NRG1: variants seen among roughly 807,000 people sequenced by gnomAD.
The protein encoded by NRG1 is pro-neuregulin-1, membrane-bound isoform.
NRG1 carries 18 observed loss-of-function variants against 63.8 expected under a neutral mutation model. The observed-to-expected ratio is 0.28, with a 90% CI of 0.19 to 0.42. NRG1 has a LOEUF of 0.42. Ranked by LOEUF, NRG1 falls within the 10% of genes least tolerant of loss-of-function variation. NRG1 has a pLI of 1.00. For synonymous variants in NRG1, 302 were observed against 301.3 expected (o/e 1.00, Z -0.02); for missense variants, 762 against 814.7 (o/e 0.94, Z 0.79).
intron 1 of NRG1, among the ~76,000 whole-genome samples, chr8:31,733,654 G>T (rs1814347020): frequency 6.6e-6 from 1 of 152,112 alleles, no homozygotes; most frequent in Non-Finnish European, 1.5e-5. Flanking sequence ...CCTGTGGAAG[G>T]GTTACCAGCC....
intron 1 of NRG1, among the ~76,000 whole-genome samples, chr8:32,278,879 C>G (rs1166774247): frequency 6.6e-6 from 1 of 152,238 alleles, no homozygotes; most frequent in Admixed American, 6.5e-5. Flanking sequence ...CGTCTATTGT[C>G]CTGCAACTCA....
At chr8:31,664,086 T>G (rs1366317298) in intron 1 of NRG1, among the ~76,000 whole-genome samples, 1 of 152,138 alleles carries the variant, frequency 6.6e-6, no homozygotes, top group Non-Finnish European at 1.5e-5. Flanking sequence ...TTTTCTATGT[T>G]GTGTTCATTG....
intron 1 of NRG1, among the ~76,000 whole-genome samples, chr8:32,101,199 A>T (rs1413432254): frequency 6.6e-6 from 1 of 152,186 alleles, no homozygotes; most frequent in Admixed American, 6.5e-5. Flanking sequence ...GTTTTTATTC[A>T]TCTGATTTAC....
At chr8:32,440,789 A>G (rs1222605007) in intron 1 of NRG1, 3 of 152,166 alleles carry the variant, frequency 2.0e-5, no homozygotes, top group African/African-American at 7.2e-5. Context: ...CATGTATGCC[A>G]TCTTTGTATT....
intron 1 of NRG1, among the ~76,000 whole-genome samples, chr8:31,928,352 T>TAAAAAAAAAAAAAAAAAAAA (rs77001238): frequency 5.0e-5 from 4 of 80,116 alleles, no homozygotes; most frequent in African/African-American, 2.0e-4. Context: ...ATGGATGTGG[T>TAAAAAAAAAAAAAAAAAAAA]AAAAAAAAAA....
rs113081002 is a variant in NRG1 at position 32,690,938 on chromosome 8, A to AGTGTGTGT, written c.503-36976_503-36969dup. ...TTGGAGATTTTATTGTTTCCCTCTC[A>AGTGTGTGT]GTGTGTGTGTGTGTGTGTGTGTGTG... On this transcript the variant is annotated intron_variant, in intron 5 of 11. Transcript: ENST00000356819. Among the ~76,000 whole-genome samples, 901 of 131,164 alleles carry AGTGTGTGT rather than the reference A, an allele frequency of 6.9e-3. 7 individuals carry two copies. The highest frequency in any genetic ancestry group is 0.033 in the East Asian group (146 of 4,492). 86.0% of individuals were successfully genotyped at this position (131,164 alleles called of 152,430 possible). A position where few individuals can be genotyped will look rare whatever the true frequency, so the allele number is the denominator to read the frequency against.
chr8:32,380,460 T>A (rs1266718741), intron 1 of NRG1, among the ~76,000 whole-genome samples: 2 of 152,090 alleles, frequency 1.3e-5, no homozygotes, highest in Non-Finnish European at 2.9e-5. Context: ...GCATAGTCTC[T>A]CCCCTGGACT....
intron 1 of NRG1, among the ~76,000 whole-genome samples, chr8:32,252,568 A>G (rs1340476469): frequency 6.6e-6 from 1 of 152,162 alleles, no homozygotes. Flanking sequence ...CTGTTTTGGT[A>G]CCAGTACCAT....
At chr8:32,110,423 G>T (rs1382456005) in intron 1 of NRG1, among the ~76,000 whole-genome samples, 2 of 152,124 alleles carry the variant, frequency 1.3e-5, no homozygotes, top group African/African-American at 4.8e-5. Flanking sequence ...GTGAGCAGAG[G>T]AAGAAAGAAC....
At chr8:32,034,524 T>C (rs926316187) in intron 1 of NRG1, among the ~76,000 whole-genome samples, 6 of 152,216 alleles carry the variant, frequency 3.9e-5, no homozygotes, top group African/African-American at 1.4e-4. Flanking sequence ...GAAGAAAGTG[T>C]ATCAGTTTCT....
intron 1 of NRG1, among the ~76,000 whole-genome samples, chr8:32,080,708 T>C (rs867264931): frequency 6.6e-6 from 1 of 151,808 alleles, no homozygotes; most frequent in South Asian, 2.1e-4. Flanking sequence ...AGGTGAGATA[T>C]GGCAGGGAAT....
At chr8:32,390,929 C>T (rs1811671539) in intron 1 of NRG1, among the ~76,000 whole-genome samples, 1 of 152,020 alleles carries the variant, frequency 6.6e-6, no homozygotes, top group South Asian at 2.1e-4. Context: ...TGTAAAGAAA[C>T]ACTTTACTAG....
At chr8:32,602,186 G>A (rs904385269) in intron 2 of NRG1, among the ~76,000 whole-genome samples, 16 of 152,068 alleles carry the variant, frequency 1.1e-4, no homozygotes, top group Non-Finnish European at 2.2e-4. Flanking sequence ...TCACTGAGAT[G>A]CATTGTTGTA....
intron 5 of NRG1, among the ~76,000 whole-genome samples, chr8:32,686,624 G>A (rs1321900416): frequency 1.3e-5 from 2 of 152,246 alleles, no homozygotes; most frequent in Non-Finnish European, 2.9e-5. Flanking sequence ...GATATCAACA[G>A]TTAAAGGAAG....
intron 5 of NRG1, among the ~76,000 whole-genome samples, chr8:32,712,830 T>C (rs920957641): frequency 1.3e-5 from 2 of 152,142 alleles, no homozygotes; most frequent in African/African-American, 4.8e-5. Context: ...GGTTCTCTGA[T>C]CTAAGCATGG....
In NRG1 at chr8:32,119,744, A is replaced by G. The variant is rs529428450; in HGVS notation, c.38-476084A>G. On this transcript the variant is annotated intron_variant, in intron 1 of 10. Coordinates refer to the NRG1 transcript ENST00000519301. ...ACTGGAAGGCCATATGTCAAAATGG[A>G]CAAGGCTTGCTCACCCTGAATTCTA... is the stretch of plus-strand genomic sequence containing the variant. 2.0e-3 allele frequency among the ~76,000 whole-genome samples: 311 copies of G among 152,168 alleles called. 1 individual carries two copies. The highest frequency in any genetic ancestry group is 7.1e-3 in the African/African-American group (296 of 41,540).
chr8:32,602,304 A>AT (rs1433705642), intron 2 of NRG1, among the ~76,000 whole-genome samples: 3 of 152,138 alleles, frequency 2.0e-5, no homozygotes, highest in African/African-American at 2.4e-5. Context: ...ATTACTAGGA[A>AT]TAGTATTCCA....
At chr8:32,153,519 T>C (rs1005592212) in intron 1 of NRG1, among the ~76,000 whole-genome samples, 2 of 152,204 alleles carry the variant, frequency 1.3e-5, no homozygotes, top group Admixed American at 6.5e-5. Flanking sequence ...AAAGAAAGTA[T>C]GTATTAACTA....
At chr8:32,586,606 C>T (rs906718204) in intron 1 of NRG1, among the ~76,000 whole-genome samples, 2 of 152,102 alleles carry the variant, frequency 1.3e-5, no homozygotes, top group Non-Finnish European at 2.9e-5. Flanking sequence ...CCATTTTCTG[C>T]CTCCACTTCA....
Sources: allele counts gnomAD v4.1 joint callset (sites outside exome capture counted in the v4.1 genomes callset), GRCh38; gene constraint gnomAD v4.1.1; transcripts MANE v1.5; gene names NCBI Gene and HGNC (gene_info 2026-07-23, HGNC 2026-07-21).